The following FILIP1 variants were observed in gnomAD, a reference collection of about 807,000 sequenced individuals.
The protein encoded by FILIP1 is filamin A interacting protein 1.
A neutral mutation model predicts 102.1 loss-of-function variants in FILIP1; 61 were observed. The observed-to-expected ratio is 0.60, with a 90% CI of 0.49 to 0.74. FILIP1 has a LOEUF of 0.74. FILIP1 is among the 30% of genes least tolerant of loss of function. FILIP1 has a pLI of 0.00. For synonymous variants in FILIP1, 491 were observed against 526.9 expected, an observed-to-expected ratio of 0.93 and a Z score of 0.93; for missense variants, 1,314 against 1,441.2, an observed-to-expected ratio of 0.91 and a Z score of 1.43.
intron 4 of FILIP1, among the ~76,000 whole-genome samples, chr6:75,337,290 C>T (rs1774273786): frequency 6.6e-6 from 1 of 152,170 alleles, no homozygotes; most frequent in African/African-American, 2.4e-5. Flanking sequence ...ATCCTAGAGA[C>T]AGAGTATCCA....
intron 4 of FILIP1, among the ~76,000 whole-genome samples, chr6:75,351,180 C>T (rs1399000571): frequency 6.6e-6 from 1 of 152,092 alleles, no homozygotes; most frequent in South Asian, 2.1e-4. Flanking sequence ...AATTCTCCTG[C>T]GTCAGGCTAA....
intron 2 of FILIP1, among the ~76,000 whole-genome samples, chr6:75,395,805 C>G (rs1446938944): frequency 3.3e-5 from 5 of 152,118 alleles, no homozygotes; most frequent in Admixed American, 6.5e-5. Context: ...AACACCTGGA[C>G]AGAACGGAAG....
intron 1 of FILIP1, among the ~76,000 whole-genome samples, chr6:75,447,403 C>T (rs1172480401): frequency 6.6e-6 from 1 of 152,086 alleles, no homozygotes; most frequent in Non-Finnish European, 1.5e-5. Flanking sequence ...ATTTTCAAAT[C>T]TCAAAAGACC....
chr6:75,373,918 A>G (rs1582412229), intron 2 of FILIP1, among the ~76,000 whole-genome samples: 1 of 152,116 alleles, frequency 6.6e-6, no homozygotes, highest in South Asian at 2.1e-4. Context: ...CTGAGAAGGG[A>G]CGATCACTTG....
intron 3 of FILIP1, among the ~76,000 whole-genome samples, chr6:75,355,131 C>G (rs1352227611): frequency 6.6e-6 from 1 of 151,968 alleles, no homozygotes; most frequent in Non-Finnish European, 1.5e-5. Context: ...CCTGTCTCTA[C>G]TAAAAATACA....
At chr6:75,428,314 G>A (rs2149704769) in intron 1 of FILIP1, 1 of 152,414 alleles carries the variant, frequency 6.6e-6, no homozygotes, top group East Asian at 1.9e-4. Context: ...CAGGGCTCCA[G>A]GAGCATACTG....
chr6:75,403,524 A>AAAG (rs1554208654), intron 2 of FILIP1, among the ~76,000 whole-genome samples: 3 of 134,726 alleles, frequency 2.2e-5, no homozygotes, highest in Non-Finnish European at 3.1e-5. Flanking sequence ...CAAAAAAAAA[A>AAAG]AAAAAAGAAA....
At chr6:75,459,585 G>C (rs1778954436) in intron 1 of FILIP1, among the ~76,000 whole-genome samples, 1 of 152,062 alleles carries the variant, frequency 6.6e-6, no homozygotes, top group Non-Finnish European at 1.5e-5. Flanking sequence ...GCCTTTACCA[G>C]GCCTGGTACA....
intron 4 of FILIP1, among the ~76,000 whole-genome samples, chr6:75,351,919 C>G (rs1403328482): frequency 6.6e-6 from 1 of 152,112 alleles, no homozygotes; most frequent in African/African-American, 2.4e-5. Context: ...TCCAGGATGT[C>G]GAATCAGTTA....
Position 75,414,811 on chromosome 6 carries a change from AGTT to A in FILIP1, c.159_161del (p.Thr54del), listed in dbSNP as rs762341307. Reference sequence around the variant, plus strand: ...CAGATGTTTTTAGGTGTCGTTTGACAGTTCCTGAGGCCATGACATCATCCTCCT... The same window carrying A: ...CAGATGTTTTTAGGTGTCGTTTGACACCTGAGGCCATGACATCATCCTCCT... On this transcript the variant is annotated inframe_deletion, in exon 2 of 6. Coordinates refer to ENST00000237172, the MANE Select transcript of FILIP1 (RefSeq NM_015687.5). 2.5e-6 allele frequency: 4 copies of A among 1,613,756 alleles called. No homozygotes were observed. The highest frequency in any genetic ancestry group is 3.4e-6 in the Non-Finnish European group (4 of 1,179,854).
Position 75,352,991 on chromosome 6 carries a change from C to T in FILIP1, c.629+548G>A, listed in dbSNP as rs1448509647. Among the ~76,000 whole-genome samples, 5 of 143,788 alleles carry T rather than the reference C, an allele frequency of 3.5e-5. No individual in the cohort carries two copies. In the South Asian group the frequency reaches 8.8e-4, roughly 25 times the overall value. 94.3% of individuals were successfully genotyped at this position (143,788 alleles called of 152,430 possible). On this transcript the variant is annotated intron_variant, in intron 4 of 5. Coordinates refer to ENST00000237172, the MANE Select transcript of FILIP1 (RefSeq NM_015687.5). The stretch of plus-strand genomic sequence containing the variant: ...TTTTTCTCTTTGGAGAGGAAATCTG[C>T]TTTTCAGGAAGGCAAATTATTAAAC...
intron 2 of FILIP1, among the ~76,000 whole-genome samples, chr6:75,398,650 CA>C (rs1214281199): frequency 6.6e-6 from 1 of 152,162 alleles, no homozygotes; most frequent in African/African-American, 2.4e-5. Flanking sequence ...CACTTGTAAA[CA>C]ATGTCAAGAT....
intron 2 of FILIP1, among the ~76,000 whole-genome samples, chr6:75,368,026 C>T (rs1775396093): frequency 6.6e-6 from 1 of 152,174 alleles, no homozygotes; most frequent in Admixed American, 6.5e-5. Context: ...GAAGACGACT[C>T]TATGTTCAAC....
intron 1 of FILIP1, among the ~76,000 whole-genome samples, chr6:75,423,935 T>C (rs1777553835): frequency 6.6e-6 from 1 of 152,188 alleles, no homozygotes; most frequent in African/African-American, 2.4e-5. Context: ...ATCATCCCTA[T>C]TTTGATTAAT....
chr6:75,336,736 G>A (rs1362823191), intron 4 of FILIP1, among the ~76,000 whole-genome samples: 1 of 152,094 alleles, frequency 6.6e-6, no homozygotes, highest in Non-Finnish European at 1.5e-5. Flanking sequence ...GTCAATCACA[G>A]ACAGGTTTCT....
intron 1 of FILIP1, among the ~76,000 whole-genome samples, chr6:75,449,503 G>T (rs1778551710): frequency 6.6e-6 from 1 of 152,060 alleles, no homozygotes; most frequent in Admixed American, 6.6e-5. Flanking sequence ...AAAGATAAAT[G>T]CCTTAGCTGG....
chr6:75,480,924 T>C (rs370989176), intron 1 of FILIP1, among the ~76,000 whole-genome samples: 53 of 152,358 alleles, frequency 3.5e-4, no homozygotes, highest in African/African-American at 1.2e-3. Flanking sequence ...AGTGAAAGAC[T>C]GCAGCTCACT....
exon 7 of FILIP1, chr6:75,294,630 A>G (rs963310472): frequency 6.6e-6 from 1 of 152,050 alleles, no homozygotes; most frequent in African/African-American, 2.4e-5. Context: ...GAAAAAAGTT[A>G]TCGATCCTGA....
At chr6:75,426,252 A>C (rs918942498) in intron 1 of FILIP1, among the ~76,000 whole-genome samples, 1 of 152,128 alleles carries the variant, frequency 6.6e-6, no homozygotes, top group Non-Finnish European at 1.5e-5. Context: ...AATAAGAGAG[A>C]AGAAAAAAAA....
Sources: gnomAD v4.1 joint callset for allele counts (sites outside exome capture counted in the v4.1 genomes callset) on GRCh38, gnomAD v4.1.1 for gene constraint, MANE v1.5 for transcripts, NCBI Gene and HGNC (gene_info 2026-07-23, HGNC 2026-07-21) for gene names.